The following GALNTL6 variants were observed in gnomAD, a reference collection of about 807,000 sequenced individuals.
GALNTL6 encodes polypeptide N-acetylgalactosaminyltransferase like 6.
GALNTL6 carries 46 observed loss-of-function variants against 73.7 expected under a neutral mutation model. That is an observed-to-expected ratio of 0.62 (90% confidence interval 0.49 to 0.80). The LOEUF (loss-of-function observed/expected upper bound fraction) is 0.80, where lower values mean the gene tolerates loss of function less well. GALNTL6 is among the 30% of genes least tolerant of loss of function. The probability of loss-of-function intolerance (pLI) is 0.00; values close to 1 mark genes in which losing one functional copy is unlikely to be tolerated. For synonymous variants in GALNTL6, 259 were observed against 263.7 expected (o/e 0.98, Z 0.17); for missense variants, 604 against 755.0 (o/e 0.80, Z 2.34).
chr4:171,995,103 C>T (rs1379589414), intron 2 of GALNTL6, among the ~76,000 whole-genome samples: 2 of 151,640 alleles, frequency 1.3e-5, no homozygotes, highest in Admixed American at 1.3e-4. Flanking sequence ...TTTATTAAAA[C>T]AATAGTAAAA....
At chr4:172,101,864 A>C (rs1732529370) in intron 2 of GALNTL6, among the ~76,000 whole-genome samples, 1 of 152,090 alleles carries the variant, frequency 6.6e-6, no homozygotes, top group Non-Finnish European at 1.5e-5. Context: ...AAAGTATTTT[A>C]AAGTGAGTTG....
At chr4:172,515,728 A>G (rs1276842831) in intron 5 of GALNTL6, among the ~76,000 whole-genome samples, 1 of 152,196 alleles carries the variant, frequency 6.6e-6, no homozygotes, top group Non-Finnish European at 1.5e-5. Context: ...GGCTACTGGA[A>G]CAGAGTTGGG....
At chr4:172,083,025 C>T (rs1291614259) in intron 2 of GALNTL6, among the ~76,000 whole-genome samples, 1 of 152,124 alleles carries the variant, frequency 6.6e-6, no homozygotes, top group Non-Finnish European at 1.5e-5. Flanking sequence ...CCTCTCAGCT[C>T]ATAGTAGTTT....
At chr4:172,399,378 A>C (rs1024218390) in intron 5 of GALNTL6, among the ~76,000 whole-genome samples, 6 of 152,054 alleles carry the variant, frequency 3.9e-5, no homozygotes, top group Non-Finnish European at 8.8e-5. Context: ...TTAAGAAAAT[A>C]ACTATATGCA....
At chr4:172,935,079 A>C (rs1428564213) in intron 9 of GALNTL6, among the ~76,000 whole-genome samples, 17 of 152,190 alleles carry the variant, frequency 1.1e-4, no homozygotes. Context: ...ACGGCTAAAC[A>C]TACCAGCTGA....
chr4:172,889,330 G>T (rs1745895205), intron 8 of GALNTL6, among the ~76,000 whole-genome samples: 1 of 152,120 alleles, frequency 6.6e-6, no homozygotes, highest in South Asian at 2.1e-4. Flanking sequence ...TCCTTGTTTT[G>T]TTCCAGTTCT....
intron 2 of GALNTL6, among the ~76,000 whole-genome samples, chr4:172,055,529 A>G (rs1338241058): frequency 6.6e-6 from 1 of 151,696 alleles, no homozygotes; most frequent in African/African-American, 2.4e-5. Flanking sequence ...GTCTGTGCCT[A>G]GAAATCAAAT....
intron 2 of GALNTL6, among the ~76,000 whole-genome samples, chr4:172,075,478 G>C (rs1731674503): frequency 6.6e-6 from 1 of 152,080 alleles, no homozygotes; most frequent in Admixed American, 6.6e-5. Flanking sequence ...GGGACTACAG[G>C]CGCCTGCCAC....
At chr4:172,106,031 A>C (rs1018065471) in intron 2 of GALNTL6, among the ~76,000 whole-genome samples, 3 of 152,196 alleles carry the variant, frequency 2.0e-5, no homozygotes, top group African/African-American at 7.2e-5. Flanking sequence ...TATATCTTTC[A>C]AACTACAATG....
At chr4:172,614,746 AAAG>A (rs1738657510) in intron 5 of GALNTL6, among the ~76,000 whole-genome samples, 1 of 152,138 alleles carries the variant, frequency 6.6e-6, no homozygotes, top group African/African-American at 2.4e-5. Flanking sequence ...GTTATTCTTA[AAAG>A]ATGAGGGAAG....
At chr4:172,942,784 T>C (rs1286917228) in intron 9 of GALNTL6, among the ~76,000 whole-genome samples, 1 of 152,074 alleles carries the variant, frequency 6.6e-6, no homozygotes, top group Non-Finnish European at 1.5e-5. Flanking sequence ...CAATGCTGAG[T>C]CTGGAGGAAC....
chr4:172,873,566 G>A (rs556308699), intron 7 of GALNTL6, among the ~76,000 whole-genome samples: 4 of 152,340 alleles, frequency 2.6e-5, no homozygotes, highest in East Asian at 1.9e-4. Flanking sequence ...GCCATAGATC[G>A]TGAGGGAGAC....
rs895921928 is a variant in GALNTL6 at position 172,273,762 on chromosome 4, C to T, written c.248-37852C>T. 3.3e-5 allele frequency among the ~76,000 whole-genome samples: 5 copies of T among 152,044 alleles called. No homozygotes were observed. In the South Asian group the frequency reaches 1.0e-3, roughly 32 times the overall value. ...GAGCTGTAAGGCAAACTAGTGGGAC[C>T]GAAGGGTGGATTAGCAGGACAACAA... On this transcript the variant is annotated intron_variant, in intron 3 of 12. Coordinates refer to ENST00000506823, the MANE Select transcript of GALNTL6 (RefSeq NM_001034845.3).
Position 173,039,438 on chromosome 4 carries a change from T to A in GALNTL6, c.1639-495T>A, listed in dbSNP as rs74383034. ...TTTCTTTTGTATTTCTCTTTCCCATTAGAGATTCAATGTGAGGGAATTATG... is the reference window on the plus strand; with the variant it reads ...TTTCTTTTGTATTTCTCTTTCCCATAAGAGATTCAATGTGAGGGAATTATG... On this transcript the variant is annotated intron_variant, in intron 12 of 12. Transcript: ENST00000506823. 6.1e-3 allele frequency among the ~76,000 whole-genome samples: 928 copies of A among 152,180 alleles called. 11 individuals carry two copies. Among genetic ancestry groups the A allele is most frequent in the African/African-American group, 0.021 (852 of 41,502 alleles).
At chr4:172,762,117 T>A (rs1005415753) in intron 5 of GALNTL6, among the ~76,000 whole-genome samples, 1 of 152,250 alleles carries the variant, frequency 6.6e-6, no homozygotes, top group Admixed American at 6.5e-5. Context: ...ATCTAATTTT[T>A]AAAAATCTGC....
chr4:172,567,025 T>C (rs2110939209), intron 5 of GALNTL6, among the ~76,000 whole-genome samples: 1 of 150,894 alleles, frequency 6.6e-6, no homozygotes, highest in East Asian at 2.0e-4. Flanking sequence ...TGAAGCTCCT[T>C]TAAAAAAAAA....
intron 5 of GALNTL6, among the ~76,000 whole-genome samples, chr4:172,679,550 A>G (rs1263141951): frequency 2.0e-5 from 3 of 152,186 alleles, no homozygotes; most frequent in African/African-American, 7.2e-5. Flanking sequence ...GCTTGCTTCT[A>G]CAGTGTTATA....
chr4:173,033,154 C>A (rs1753540498), intron 12 of GALNTL6, among the ~76,000 whole-genome samples: 1 of 152,152 alleles, frequency 6.6e-6, no homozygotes, highest in African/African-American at 2.4e-5. Flanking sequence ...GCATGCGCCA[C>A]CATGCCCAGC....
chr4:172,341,447 T>G (rs1741561143), intron 4 of GALNTL6, among the ~76,000 whole-genome samples: 1 of 44,998 alleles, frequency 2.2e-5, no homozygotes, highest in Non-Finnish European at 4.2e-5. Context: ...CGAGACTCCG[T>G]CTCAAAAAAA....
Sources: allele counts gnomAD v4.1 joint callset (sites outside exome capture counted in the v4.1 genomes callset), GRCh38; gene constraint gnomAD v4.1.1; transcripts MANE v1.5; gene names NCBI Gene and HGNC (gene_info 2026-07-23, HGNC 2026-07-21).